Variants in SEPTIN9 observed in about 807,000 individuals in gnomAD.
SEPTIN9 encodes the protein septin-9.
A neutral mutation model predicts 56.6 loss-of-function variants in SEPTIN9; 13 were observed. That is an observed-to-expected ratio of 0.23 (90% confidence interval 0.15 to 0.37). The LOEUF is 0.37. Ranked by LOEUF, SEPTIN9 falls within the 10% of genes least tolerant of loss-of-function variation. The pLI is 1.00. For synonymous variants in SEPTIN9, 332 were observed against 334.1 expected, an observed-to-expected ratio of 0.99 and a Z score of 0.07; for missense variants, 650 against 823.1, an observed-to-expected ratio of 0.79 and a Z score of 2.57.
In SEPTIN9 at chr17:77,414,164, C is replaced by T. The variant is rs578091872; in HGVS notation, c.721+11461C>T. On this transcript the variant is annotated intron_variant, in intron 3 of 11. Transcript: ENST00000427177. ...CGCCATCTCGGCTGACTGCAACCTC[C>T]GCCTCCTGGGTTCAACCAATTCTCC... Among the ~76,000 whole-genome samples the T allele has an allele frequency of 2.6e-5, 4 of 152,062 alleles. No homozygotes were observed. The South Asian group carries it at 6.2e-4, about 24-fold the overall frequency.
At chr17:77,427,013 A>G (rs944626985) in intron 3 of SEPTIN9, 2 of 152,274 alleles carry the variant, frequency 1.3e-5, no homozygotes, top group African/African-American at 4.8e-5. Flanking sequence ...GGCCATTATC[A>G]TAACTTAGCA....
At chr17:77,491,921 C>T (rs2040048374) in intron 8 of SEPTIN9, among the ~76,000 whole-genome samples, 1 of 151,928 alleles carries the variant, frequency 6.6e-6, no homozygotes, top group Non-Finnish European at 1.5e-5. Context: ...AAGAGGGCAG[C>T]CCTGGGCTCT....
rs79199580 is a variant in SEPTIN9 at position 77,468,620 on chromosome 17, G to A, written c.722-13524G>A. 9.8e-3 allele frequency among the ~76,000 whole-genome samples: 1,499 copies of A among 152,372 alleles called. 21 individuals carry two copies. Among genetic ancestry groups the A allele is most frequent in the South Asian group, 0.032 (153 of 4,830 alleles). ...ACATGTAAGAACATTGAGGCACAGAGTGGTTAAGTTACTTGCTCAGGGTCA... is the reference window on the plus strand; with the variant it reads ...ACATGTAAGAACATTGAGGCACAGAATGGTTAAGTTACTTGCTCAGGGTCA... On this transcript the variant is annotated intron_variant, in intron 3 of 11. Coordinates refer to ENST00000427177, the MANE Select transcript of SEPTIN9 (RefSeq NM_001113491.2).
In SEPTIN9 at chr17:77,498,568, C is replaced by T. The variant is rs767456537; in HGVS notation, c.1671C>T (p.Phe557=). ...NIKDITSSIH[F]EAYRVKRLNE... ...AGGACATCACCAGCAGCATCCACTT[C>T]GAGGCGTACCGTGTGAAGCGCCTCA... The change falls in exon 12 of 12, where the codon TTC becomes TTT. Residue 557 remains phenylalanine, a synonymous_variant. Transcript: ENST00000427177. 2.5e-6 allele frequency: 4 copies of T among 1,589,284 alleles called. No homozygotes were observed. Among genetic ancestry groups the T allele is most frequent in the East Asian group, 2.3e-5 (1 of 43,514 alleles).
Position 77,475,984 on chromosome 17 carries a change from T to C in SEPTIN9, c.722-6160T>C, listed in dbSNP as rs908061812. On this transcript the variant is annotated intron_variant, in intron 3 of 11. Coordinates refer to ENST00000427177, the MANE Select transcript of SEPTIN9 (RefSeq NM_001113491.2). This position sits in a 1 kb window ranked among gnomAD's most constrained non-coding sequence, Gnocchi z 4.6. ...GTTTGGGGAAGACAGGGGAATGGCA[T>C]TGACTTGACCCTGAGCACTTTGTCC... 2.1e-6 allele frequency: 3 copies of C among 1,446,292 alleles called. No individual in the cohort carries two copies. The highest frequency in any genetic ancestry group is 2.9e-6 in the Non-Finnish European group (3 of 1,052,392). 89.6% of individuals were successfully genotyped at this position (1,446,292 alleles called of 1,614,324 possible).
At chr17:77,350,610 A>AGAGAGTGTGT (rs141783843) in intron 2 of SEPTIN9, among the ~76,000 whole-genome samples, 5 of 149,396 alleles carry the variant, frequency 3.3e-5, no homozygotes, top group Non-Finnish European at 5.9e-5. Context: ...CCTCCAGTGC[A>AGAGAGTGTGT]GTGTGTGTGT....
At chr17:77,448,213 G>C (rs943141493) in intron 3 of SEPTIN9, among the ~76,000 whole-genome samples, 1 of 152,232 alleles carries the variant, frequency 6.6e-6, no homozygotes, top group African/African-American at 2.4e-5. Flanking sequence ...TGGCTCACGC[G>C]TGTAATCTCA....
chr17:77,441,156 A>G (rs1423670831), intron 3 of SEPTIN9, among the ~76,000 whole-genome samples: 1 of 152,168 alleles, frequency 6.6e-6, no homozygotes, highest in African/African-American at 2.4e-5. Flanking sequence ...TTTGGGCCCA[A>G]TTCAGACAAG....
At chr17:77,378,023 G>A (rs1044707779) in intron 2 of SEPTIN9, among the ~76,000 whole-genome samples, 3 of 152,266 alleles carry the variant, frequency 2.0e-5, no homozygotes, top group East Asian at 1.9e-4. Flanking sequence ...TCCCGACTAC[G>A]AGTTGGTTCA....
rs1350919320 is a variant in SEPTIN9, at chr17:77,329,692, C to CCCTGGTG, written c.76+22507_76+22513dup. Among the ~76,000 whole-genome samples the CCCTGGTG allele has an allele frequency of 2.6e-5, 4 of 152,152 alleles. No homozygotes were observed. The South Asian group carries it at 6.2e-4, about 24-fold the overall frequency. On this transcript the variant is annotated intron_variant, in intron 2 of 11. Transcript: ENST00000427177. This position sits in a 1 kb window ranked among gnomAD's most constrained non-coding sequence, Gnocchi z 4.3. The stretch of plus-strand genomic sequence containing the variant: ...TGGTGCCCCCATCCCCAAGCAGGAA[C>CCCTGGTG]CCTGGTGCCTGGTGCCTGAGGACTG...
chr17:77,411,948 G>A (rs1234652282), intron 3 of SEPTIN9, among the ~76,000 whole-genome samples: 1 of 151,606 alleles, frequency 6.6e-6, no homozygotes, highest in East Asian at 2.0e-4. Flanking sequence ...TGGCCAACAT[G>A]GTGAAACCCC....
intron 1 of SEPTIN9, among the ~76,000 whole-genome samples, chr17:77,306,743 C>T (rs964015808): frequency 2.6e-5 from 4 of 152,076 alleles, no homozygotes; most frequent in East Asian, 1.9e-4. Flanking sequence ...GAGGAGACTC[C>T]GTCCAGCAGA....
intron 2 of SEPTIN9, among the ~76,000 whole-genome samples, chr17:77,335,547 T>C (rs1005044375): frequency 6.6e-6 from 1 of 150,822 alleles, no homozygotes; most frequent in African/African-American, 2.4e-5. Flanking sequence ...TATATACATG[T>C]AGGCCCTATG....
chr17:77,287,902 C>G, intron 1 of SEPTIN9: 1 of 1,038,868 alleles, frequency 9.6e-7, no homozygotes, highest in Non-Finnish European at 1.2e-6. Flanking sequence ...CTGGGCGGCC[C>G]TTAGACCCAG....
At chr17:77,472,638 C>G (rs910725520) in intron 3 of SEPTIN9, 8 of 152,232 alleles carry the variant, frequency 5.3e-5, no homozygotes, top group African/African-American at 1.7e-4. Flanking sequence ...AAATGCAGCT[C>G]TTTGCCTTTG....
At chr17:77,491,178 C>T (rs758018184) in intron 8 of SEPTIN9, among the ~76,000 whole-genome samples, 7 of 151,692 alleles carry the variant, frequency 4.6e-5, no homozygotes, top group African/African-American at 1.7e-4. Flanking sequence ...GGAGTGAGGC[C>T]GAGCAGGGGC....
At chr17:77,404,678 T>C (rs983569279) in intron 3 of SEPTIN9, among the ~76,000 whole-genome samples, 1 of 151,762 alleles carries the variant, frequency 6.6e-6, no homozygotes, top group Non-Finnish European at 1.5e-5. Context: ...GCATGTGGAG[T>C]GCACATTTGT....
rs775951302 is a variant in SEPTIN9, at chr17:77,402,385, G to A, written c.403G>A (p.Ala135Thr). Residue 135 changes from alanine (A) to threonine (T), a missense_variant, in exon 3 of 12, where the codon GCC (alanine) becomes ACC (threonine). Physicochemically the swap from Ala to Thr is moderately conservative, Grantham distance 58. Transcript: ENST00000427177. This position sits in a 1 kb window ranked among gnomAD's most constrained non-coding sequence, Gnocchi z 6.6. The part of the protein sequence containing the change: ...IGPSRFGLKR[A>T]EVLGHKTPEP... The stretch of plus-strand genomic sequence containing the variant: ...CCCGTCCCGGTTCGGGCTCAAGAGG[G>A]CCGAGGTGTTGGGCCACAAGACGCC... 5.0e-6 allele frequency: 8 copies of A among 1,611,714 alleles called. No individual in the cohort carries two copies. Among genetic ancestry groups the A allele is most frequent in the Non-Finnish European group, 6.8e-6 (8 of 1,179,486 alleles).
intron 2 of SEPTIN9, among the ~76,000 whole-genome samples, chr17:77,385,242 A>C (rs1425464572): frequency 6.7e-6 from 1 of 150,210 alleles, no homozygotes; most frequent in Non-Finnish European, 1.5e-5. Flanking sequence ...GGTTCACTGC[A>C]ACCTCTGCCT....
Sources: allele counts gnomAD v4.1 joint callset (sites outside exome capture counted in the v4.1 genomes callset), GRCh38; gene constraint gnomAD v4.1.1; non-coding constraint Gnocchi (gnomAD v3.1); transcripts MANE v1.5; gene names NCBI Gene and HGNC (gene_info 2026-07-23, HGNC 2026-07-21).